KDM5A: variants seen among roughly 807,000 people sequenced by gnomAD.
The protein encoded by KDM5A is lysine-specific demethylase 5A.
In KDM5A, 42 loss-of-function variants were observed where a neutral mutation model predicts 193.5. The observed-to-expected ratio is 0.22, with a 90% CI of 0.17 to 0.28. The LOEUF (loss-of-function observed/expected upper bound fraction) is 0.28, where lower values mean the gene tolerates loss of function less well. Ranked by LOEUF, KDM5A falls within the 10% of genes least tolerant of loss-of-function variation. KDM5A has a pLI of 1.00. For missense variants in KDM5A, 1,692 were observed against 2,055.1 expected (o/e 0.82, Z 3.42); for synonymous variants, 796 against 718.1 (o/e 1.11, Z -1.73).
chr12:328,809 A>G (rs1943825553), intron 14 of KDM5A, 26 bp downstream of exon 14: 1 of 1,609,648 alleles, frequency 6.2e-7, no homozygotes, highest in Non-Finnish European at 8.5e-7. Context: ...AGTATCAAAC[A>G]TAGAAAATGT....
intron 27 of KDM5A, chr12:286,282 A>AAAT (rs1565521272): frequency 8.9e-6 from 4 of 448,614 alleles, no homozygotes; most frequent in Admixed American, 8.1e-5. Flanking sequence ...ACACAGGTCA[A>AAAT]TAGATCACTC....
chr12:336,138 G>A (rs1019152741), intron 10 of KDM5A, among the ~76,000 whole-genome samples: 14 of 150,592 alleles, frequency 9.3e-5, no homozygotes, highest in Non-Finnish European at 1.5e-5. Flanking sequence ...GCAGGCAGAT[G>A]ACTTCAGCCC....
rs2137386965 is a variant in KDM5A at position 307,068 on chromosome 12, G to T, written c.3952C>A (p.Gln1318Lys). The T allele has an allele frequency of 6.2e-7, 1 of 1,614,154 alleles. No individual in the cohort carries two copies. The highest frequency in any genetic ancestry group is 8.5e-7 in the Non-Finnish European group (1 of 1,180,002). ...DLQGHLPSFQ[Q>K]SAFNRVVSSV... ...CTCACCACCCGGTTAAAAGCAGACT[G>T]CTGGAAACTAGGTAAGTGTCCCTAA... The change falls in exon 24 of 28, where the codon CAG becomes AAG. Residue 1318 changes from glutamine (Q) to lysine (K), a missense_variant. By Grantham distance (53) the Gln-to-Lys change is moderately conservative. This residue lies in a region of KDM5A where 965 missense variants were observed against 1,061.0 expected (regional missense o/e 0.91). Transcript: ENST00000399788. This position sits in a 1 kb window ranked among gnomAD's most constrained non-coding sequence, Gnocchi z 4.3.
At chr12:388,457 T>C (rs896923598) in intron 1 of KDM5A, 1 of 388,714 alleles carries the variant, frequency 2.6e-6, no homozygotes, top group Non-Finnish European at 5.1e-6. Flanking sequence ...TAGTCTGGAG[T>C]TCTTGTCTAG....
chr12:380,927 T>C (rs1944565353), intron 3 of KDM5A, among the ~76,000 whole-genome samples: 1 of 151,902 alleles, frequency 6.6e-6, no homozygotes. Context: ...CCTGAGCAGA[T>C]GGAATTACAG....
chr12:358,654 C>A (rs1466683964), intron 5 of KDM5A, among the ~76,000 whole-genome samples: 1 of 152,110 alleles, frequency 6.6e-6, no homozygotes, highest in African/African-American at 2.4e-5. Context: ...GGACCTTCCA[C>A]CTGAACATTT....
intron 24 of KDM5A, among the ~76,000 whole-genome samples, chr12:300,108 G>C (rs985460953): frequency 6.6e-6 from 1 of 151,830 alleles, no homozygotes; most frequent in African/African-American, 2.4e-5. Context: ...ACACCCCACT[G>C]TCCATATTAG....
intron 5 of KDM5A, among the ~76,000 whole-genome samples, chr12:359,798 G>T (rs1359917349): frequency 7.4e-6 from 1 of 134,382 alleles, no homozygotes; most frequent in Non-Finnish European, 1.6e-5. Context: ...ATGAAGGGAA[G>T]AAGGGAGGGA....
chr12:302,994 A>G (rs532003414), intron 24 of KDM5A, among the ~76,000 whole-genome samples: 68 of 152,344 alleles, frequency 4.5e-4, no homozygotes, highest in Non-Finnish European at 4.4e-4. Context: ...TAAAATGGCA[A>G]TCATTAAAAA....
Position 355,193 on chromosome 12 carries a change from T to G in KDM5A, c.835A>C (p.Met279Leu). 1 of 1,612,706 alleles carries G rather than the reference T, an allele frequency of 6.2e-7. No homozygotes were observed. The highest frequency in any genetic ancestry group is 1.1e-5 in the South Asian group (1 of 91,054). ...GAGAGAGTGCCTTTCCGTTGTCTCA[T>G]TTGCATGTTAAATGCGTCTGACCTG... ...TNRSDAFNMQ[M>L]RQRKGTLSVN... The change falls in exon 7 of 28, where the codon ATG becomes CTG. Residue 279 changes from methionine to leucine, a missense_variant. By Grantham distance (15) the Met-to-Leu change is conservative (BLOSUM62 2). Around this residue, in one of 11 missense-constraint regions of KDM5A, gnomAD observed 134 missense variants for 124.2 expected, o/e 1.08. Transcript: ENST00000399788.
At chr12:303,633 C>T (rs547543482) in intron 24 of KDM5A, among the ~76,000 whole-genome samples, 29 of 150,818 alleles carry the variant, frequency 1.9e-4, no homozygotes, top group African/African-American at 5.3e-4. Context: ...TGCACATGTA[C>T]CCCAGAACTT....
chr12:344,790 T>C (rs916253656), intron 10 of KDM5A, among the ~76,000 whole-genome samples: 1 of 152,142 alleles, frequency 6.6e-6, no homozygotes, highest in Non-Finnish European at 1.5e-5. Flanking sequence ...AGGGAACAAC[T>C]GGTACCAGCC....
At position 284,148 on chromosome 12, in the gene KDM5A, A is replaced by T. The variant is rs975889156; in HGVS notation, c.*1308T>A. The T allele has an allele frequency of 1.3e-5, 3 of 230,806 alleles. No homozygotes were observed. In the South Asian group the frequency reaches 5.5e-4, roughly 42 times the overall value. The allele number at this position is 230,806 out of a possible 1,614,324, so 14.3% of individuals were successfully genotyped here. ...AATGGGATTTTTTTTTTTAAAGCAA[A>T]AAAGAAAAAGCAAGCCCCCAAATGG... On this transcript the variant is annotated 3_prime_UTR_variant, in exon 28 of 28. Transcript: ENST00000399788.
At chr12:380,714 C>A in intron 3 of KDM5A, among the ~76,000 whole-genome samples, 1 of 151,204 alleles carries the variant, frequency 6.6e-6, no homozygotes. Context: ...AAGAGTGAGA[C>A]TCTGTCTAAA....
chr12:289,864 T>TA (rs1565522304), intron 27 of KDM5A, among the ~76,000 whole-genome samples: 1 of 150,440 alleles, frequency 6.6e-6, no homozygotes, highest in Non-Finnish European at 1.5e-5. Context: ...CATGGTATCT[T>TA]AAAGAACAAA....
chr12:388,222 G>GT, intron 1 of KDM5A: 1 of 453,202 alleles, frequency 2.2e-6, no homozygotes, highest in Non-Finnish European at 4.4e-6. Flanking sequence ...GATAGTATCT[G>GT]TTTTCCTTAC....
chr12:317,455 T>C (rs1218219130), intron 19 of KDM5A, among the ~76,000 whole-genome samples: 2 of 152,224 alleles, frequency 1.3e-5, no homozygotes, highest in African/African-American at 2.4e-5. Flanking sequence ...GGTACTACAA[T>C]GAGCTTTATA....
chr12:384,256 C>T lies in KDM5A; in HGVS notation c.244-103G>A, dbSNP rs75511301. On this transcript the variant is annotated intron_variant, in intron 2 of 27. Coordinates refer to ENST00000399788, the MANE Select transcript of KDM5A (RefSeq NM_001042603.3). ...CAGGATGTGGACCAGTACCCATCAG[C>T]GGCCTGTTAGGAACCCAGCCACACA... 2.4e-3 allele frequency: 2,124 copies of T among 871,788 alleles called. 17 individuals carry two copies. The highest frequency in any genetic ancestry group is 0.015 in the African/African-American group (909 of 60,388). 54.0% of individuals were successfully genotyped at this position (871,788 alleles called of 1,614,324 possible). A position where few individuals can be genotyped will look rare whatever the true frequency, so the allele number is the denominator to read the frequency against.
intron 5 of KDM5A, among the ~76,000 whole-genome samples, chr12:362,463 T>C (rs534889977): frequency 1.3e-5 from 2 of 152,300 alleles, no homozygotes; most frequent in South Asian, 2.1e-4. Flanking sequence ...AAATTTATAC[T>C]CTGGTTTTTA....
Sources: gnomAD v4.1 joint callset for allele counts (sites outside exome capture counted in the v4.1 genomes callset) on GRCh38, gnomAD v4.1.1 for gene constraint, gnomAD v4.1.1 regional missense constraint, Gnocchi (gnomAD v3.1) non-coding constraint, MANE v1.5 for transcripts, NCBI Gene and HGNC (gene_info 2026-07-23, HGNC 2026-07-21) for gene names.